RBM23: variants seen among roughly 807,000 people sequenced by gnomAD.
RBM23 encodes probable RNA-binding protein 23.
A neutral mutation model predicts 56.2 loss-of-function variants in RBM23; 53 were observed. That is an observed-to-expected ratio of 0.94 (90% confidence interval 0.76 to 1.19). The LOEUF (loss-of-function observed/expected upper bound fraction) is 1.19, where lower values mean the gene tolerates loss of function less well. RBM23 is among the 50% of genes most tolerant of loss of function. The pLI is 0.00. For missense variants in RBM23, 642 were observed against 590.3 expected (o/e 1.09, Z -0.91); for synonymous variants, 197 against 198.5 (o/e 0.99, Z 0.06).
chr14:22,902,607 C>T (rs1301700407), intron 10 of RBM23: 2 of 1,271,520 alleles, frequency 1.6e-6, no homozygotes, highest in East Asian at 3.0e-5. Context: ...TCTTTCAGCT[C>T]CATTAAGAAT....
At position 22,905,254 on chromosome 14, in the gene RBM23, G is replaced by T. The variant is rs367560827; in HGVS notation, c.574-8C>A. The stretch of plus-strand genomic sequence containing the variant: ...GATACGTACATCGCGAACCTATCCA[G>T]GACGCAAAAGAAATCCTGAGTTAGG... On this transcript the variant is annotated splice_region_variant and splice_polypyrimidine_tract_variant and intron_variant, in intron 7 of 13. Transcript: ENST00000359890. The T allele has an allele frequency of 6.2e-7, 1 of 1,614,028 alleles. No homozygotes were observed. The highest frequency in any genetic ancestry group is 1.1e-5 in the South Asian group (1 of 91,080).
At position 22,900,015 on chromosome 14, in the gene RBM23, C is replaced by T. The variant is rs1388771292; in HGVS notation, c.*1715G>A. 6.6e-6 allele frequency: 1 copy of T among 152,128 alleles called. No homozygotes were observed. Among genetic ancestry groups the T allele is most frequent in the Non-Finnish European group, 1.5e-5 (1 of 68,026 alleles). The allele number at this position is 152,128 out of a possible 1,614,324, so 9.4% of individuals were successfully genotyped here. ...GGTGAGACAGCCTCTCTCCCACCCC[C>T]TTATTATTAAGGCAGTGGTAGGTGC... On this transcript the variant is annotated 3_prime_UTR_variant, in exon 14 of 14. Coordinates refer to ENST00000359890, the MANE Select transcript of RBM23 (RefSeq NM_001077351.2).
rs1332747998 is a variant in RBM23, at chr14:22,898,729, G to C, written c.*3001C>G. The C allele has an allele frequency of 6.6e-6, 1 of 151,886 alleles. No homozygotes were observed. The allele number at this position is 151,886 out of a possible 1,614,324, so 9.4% of individuals were successfully genotyped here. A position where few individuals can be genotyped will look rare whatever the true frequency, so the allele number is the denominator to read the frequency against. ...GAGTGTAGGAAGGCCAAGGTAGCTA[G>C]GGATGGAAACATAAGGAAACCAAGC... On this transcript the variant is annotated 3_prime_UTR_variant, in exon 14 of 14. Coordinates refer to ENST00000359890, the MANE Select transcript of RBM23 (RefSeq NM_001077351.2).
chr14:22,914,622 G>A (rs1447905477), intron 1 of RBM23, among the ~76,000 whole-genome samples: 6 of 151,150 alleles, frequency 4.0e-5, no homozygotes, highest in African/African-American at 7.3e-5. Flanking sequence ...CAATCATGCC[G>A]TTAAAAAAAA....
chr14:22,905,177 A>G lies in RBM23; in HGVS notation c.643T>C (p.Cys215Arg), dbSNP rs1456194317. 1 of 1,614,228 alleles carries G rather than the reference A, an allele frequency of 6.2e-7. No homozygotes were observed. The highest frequency in any genetic ancestry group is 1.1e-5 in the South Asian group (1 of 91,090). Reference protein sequence around the residue: ...RSKGIAYVEFCEIQSVPLAIG... With the variant: ...RSKGIAYVEFREIQSVPLAIG... ...GCCAGTGGCACAGACTGGATTTCAC[A>G]GAATTCCACGTAGGCAATGCCCTTA... Residue 215 changes from cysteine to arginine, a missense_variant, in exon 8 of 14, where the codon TGT (cysteine) becomes CGT (arginine). Transcript: ENST00000359890.
chr14:22,910,450 C>CAAAA (rs546748436), intron 2 of RBM23, among the ~76,000 whole-genome samples: 176 of 70,732 alleles, frequency 2.5e-3, no homozygotes, highest in African/African-American at 2.8e-3. Context: ...AACTTCATCT[C>CAAAA]AAAAAAAAAA....
Position 22,902,174 on chromosome 14 carries a change from G to T in RBM23, c.1126+13C>A. On this transcript the variant is annotated intron_variant, in intron 11 of 13. Transcript: ENST00000359890. ...TTCAACCCCATAATCTTCACCTTGC[G>T]GAGATATTTTACCTTCTGCCAGTTT... The T allele has an allele frequency of 6.2e-7, 1 of 1,612,558 alleles. No homozygotes were observed.
At chr14:22,918,594 G>T (rs1193097929) in intron 1 of RBM23, among the ~76,000 whole-genome samples, 1 of 152,168 alleles carries the variant, frequency 6.6e-6, no homozygotes, top group African/African-American at 2.4e-5. Context: ...GAGGAAGAAA[G>T]CTCAATTCCC....
At chr14:22,909,425 T>C (rs2139023705) in intron 3 of RBM23, 58 bp downstream of exon 3, 7 of 1,386,254 alleles carry the variant, frequency 5.0e-6, no homozygotes, top group East Asian at 2.3e-5. Flanking sequence ...ATTTTTCCAA[T>C]GGACAAAACT....
At chr14:22,910,939 A>G (rs1013948356) in intron 2 of RBM23, among the ~76,000 whole-genome samples, 1 of 152,144 alleles carries the variant, frequency 6.6e-6, no homozygotes, top group African/African-American at 2.4e-5. Flanking sequence ...TGAACCCAGG[A>G]GGCGGAGGTT....
intron 10 of RBM23, chr14:22,903,570 G>A (rs572671382): frequency 3.3e-5 from 33 of 987,330 alleles, no homozygotes; most frequent in Admixed American, 1.2e-4. Flanking sequence ...CAATTCCAAT[G>A]ACAGAATACA....
At position 22,908,316 on chromosome 14, in the gene RBM23, G is replaced by T; in HGVS notation, c.227+17C>A. The T allele has an allele frequency of 1.3e-6, 2 of 1,549,584 alleles. No homozygotes were observed. The highest frequency in any genetic ancestry group is 8.7e-7 in the Non-Finnish European group (1 of 1,146,806). On this transcript the variant is annotated intron_variant, in intron 4 of 13. Coordinates refer to ENST00000359890, the MANE Select transcript of RBM23 (RefSeq NM_001077351.2). The stretch of plus-strand genomic sequence containing the variant: ...ATTAAAGATACGAGCCACTGTGCCT[G>T]GCCCAGAATTACTGACCTGCGCTTT...
In RBM23 at chr14:22,902,003, G is replaced by T; in HGVS notation, c.1223C>A (p.Ala408Asp). The T allele has an allele frequency of 6.2e-7, 1 of 1,611,986 alleles. No individual in the cohort carries two copies. The highest frequency in any genetic ancestry group is 2.2e-5 in the East Asian group (1 of 44,828). ...ACCAGTCAGAGCTGCTGGATTCAGG[G>T]CCCCCAAGGGAACTGCTCCATTCAG... ...LQLNGAVPLG[A>D]LNPAALTALS... is the part of the protein sequence containing the mutation. Residue 408 changes from alanine to aspartate, a missense_variant, in exon 12 of 14, where the codon GCC (alanine) becomes GAC (aspartate). Coordinates refer to ENST00000359890, the MANE Select transcript of RBM23 (RefSeq NM_001077351.2).
chr14:22,904,143 C>T, intron 10 of RBM23, 118 bp downstream of exon 10: 1 of 1,579,272 alleles, frequency 6.3e-7, no homozygotes, highest in Non-Finnish European at 8.6e-7. Flanking sequence ...GCTTCAGGCA[C>T]CAGGGTTTAT....
At chr14:22,911,138 T>C (rs1404441956) in intron 2 of RBM23, among the ~76,000 whole-genome samples, 190 bp downstream of exon 2, 1 of 152,254 alleles carries the variant, frequency 6.6e-6, no homozygotes, top group African/African-American at 2.4e-5. Flanking sequence ...TCTGAGGTTG[T>C]CTCTAAAAGT....
intron 10 of RBM23, 39 bp downstream of exon 10, chr14:22,904,222 C>A: frequency 6.2e-7 from 1 of 1,613,682 alleles, no homozygotes; most frequent in South Asian, 1.1e-5. Context: ...GTGGACAAAC[C>A]CAAAGTAAAA....
chr14:22,915,997 T>C (rs1456099682), intron 1 of RBM23, among the ~76,000 whole-genome samples: 2 of 152,216 alleles, frequency 1.3e-5, no homozygotes, highest in East Asian at 1.9e-4. Flanking sequence ...GGCTGGAGAA[T>C]GGCTTGAGGC....
Position 22,901,940 on chromosome 14 carries a change from A to G in RBM23, c.1246+40T>C, listed in dbSNP as rs773188394. On this transcript the variant is annotated intron_variant, in intron 12 of 13. Coordinates refer to ENST00000359890, the MANE Select transcript of RBM23 (RefSeq NM_001077351.2). ...AGCACCGCGCACTCCTTCTTTCCAG[A>G]CCCCCAAACCTTCCCTTCCTTTCCC... is the stretch of plus-strand genomic sequence containing the variant. The G allele has an allele frequency of 2.5e-6, 4 of 1,611,740 alleles. No homozygotes were observed. The Admixed American group carries it at 6.7e-5, about 27-fold the overall frequency.
At chr14:22,912,109 TA>T (rs1158900291) in intron 1 of RBM23, among the ~76,000 whole-genome samples, 1 of 152,092 alleles carries the variant, frequency 6.6e-6, no homozygotes, top group Non-Finnish European at 1.5e-5. Context: ...AAATTCTGAA[TA>T]AATACCTGGT....
Sources: gnomAD v4.1 joint callset for allele counts (sites outside exome capture counted in the v4.1 genomes callset) on GRCh38, gnomAD v4.1.1 for gene constraint, MANE v1.5 for transcripts, NCBI Gene and HGNC (gene_info 2026-07-23, HGNC 2026-07-21) for gene names.